Variants in PPM1L observed in about 807,000 individuals in gnomAD.
The protein encoded by PPM1L is protein phosphatase 1L.
Under a neutral mutation model 31.4 loss-of-function variants are expected in PPM1L, and 13 were observed. The observed-to-expected ratio is 0.41, with a 90% CI of 0.27 to 0.66. The LOEUF (loss-of-function observed/expected upper bound fraction) is 0.66. PPM1L is among the 30% of genes least tolerant of loss of function. PPM1L has a pLI of 0.29. For synonymous variants in PPM1L, 184 were observed against 175.4 expected (o/e 1.05, Z -0.39); for missense variants, 326 against 453.7 (o/e 0.72, Z 2.56).
chr3:160,849,800 G>A (rs942199504), intron 1 of PPM1L, among the ~76,000 whole-genome samples: 1 of 152,070 alleles, frequency 6.6e-6, no homozygotes, highest in African/African-American at 2.4e-5. Flanking sequence ...TCCTGACCTC[G>A]TGATCCGCCT....
chr3:160,899,223 C>G (rs1014833168), intron 1 of PPM1L, among the ~76,000 whole-genome samples: 2 of 152,082 alleles, frequency 1.3e-5, no homozygotes, highest in African/African-American at 4.8e-5. Flanking sequence ...TCTTCCAAAC[C>G]TATGCTCTTA....
At chr3:160,857,181 A>G (rs1222106356) in intron 1 of PPM1L, among the ~76,000 whole-genome samples, 1 of 152,100 alleles carries the variant, frequency 6.6e-6, no homozygotes, top group African/African-American at 2.4e-5. Context: ...TTGCTTCCAA[A>G]AGGTCATGGT....
At chr3:161,031,055 C>G (rs937156678) in intron 2 of PPM1L, among the ~76,000 whole-genome samples, 1 of 152,180 alleles carries the variant, frequency 6.6e-6, no homozygotes. Flanking sequence ...TATTACTTTC[C>G]TTTATAAGCT....
At chr3:160,793,634 A>G (rs1712163368) in intron 1 of PPM1L, among the ~76,000 whole-genome samples, 1 of 152,204 alleles carries the variant, frequency 6.6e-6, no homozygotes, top group African/African-American at 2.4e-5. Context: ...TAATTCTTCC[A>G]TGGCTTGACT....
intron 1 of PPM1L, among the ~76,000 whole-genome samples, chr3:160,914,044 C>T (rs1169231680): frequency 6.6e-6 from 1 of 152,082 alleles, no homozygotes; most frequent in Admixed American, 6.5e-5. Context: ...TTTTCTTATT[C>T]CTACCAGTAG....
At chr3:161,009,959 A>G (rs1576780569) in intron 2 of PPM1L, among the ~76,000 whole-genome samples, 1 of 152,162 alleles carries the variant, frequency 6.6e-6, no homozygotes, top group Non-Finnish European at 1.5e-5. Flanking sequence ...TAGTTGTTTC[A>G]ACTCCAAATT....
chr3:160,902,288 C>A (rs934990118), intron 1 of PPM1L, among the ~76,000 whole-genome samples: 6 of 152,096 alleles, frequency 3.9e-5, no homozygotes, highest in African/African-American at 1.4e-4. Flanking sequence ...GAATATATAG[C>A]AGAAACATAG....
At chr3:160,836,440 A>C (rs766581544) in intron 1 of PPM1L, among the ~76,000 whole-genome samples, 16 of 152,178 alleles carry the variant, frequency 1.1e-4, no homozygotes, top group Non-Finnish European at 2.2e-4. Flanking sequence ...CTCTAGCAAG[A>C]AGGCTCTTGT....
intron 2 of PPM1L, among the ~76,000 whole-genome samples, chr3:161,011,073 AGACG>A (rs1396867848): frequency 6.6e-6 from 1 of 152,148 alleles, no homozygotes; most frequent in Non-Finnish European, 1.5e-5. Flanking sequence ...TTGGTGTTTC[AGACG>A]TGAAGTCCTT....
chr3:160,884,956 C>T (rs1712856897), intron 1 of PPM1L, among the ~76,000 whole-genome samples: 1 of 152,180 alleles, frequency 6.6e-6, no homozygotes, highest in Non-Finnish European at 1.5e-5. Context: ...ACTGACACCT[C>T]CTCAAAAGAT....
intron 1 of PPM1L, among the ~76,000 whole-genome samples, chr3:160,773,820 T>C (rs906847799): frequency 2.6e-5 from 4 of 152,164 alleles, no homozygotes; most frequent in African/African-American, 9.7e-5. Context: ...TGTTGGATCT[T>C]ACTTTCTTGA....
intron 1 of PPM1L, among the ~76,000 whole-genome samples, chr3:160,884,169 C>T (rs867511900): frequency 1.3e-5 from 2 of 152,062 alleles, no homozygotes; most frequent in South Asian, 2.1e-4. Flanking sequence ...AGAAGACCTA[C>T]GGTTATGTAA....
At chr3:161,006,109 A>G (rs1717695960) in intron 2 of PPM1L, among the ~76,000 whole-genome samples, 2 of 152,212 alleles carry the variant, frequency 1.3e-5, no homozygotes, top group Non-Finnish European at 2.9e-5. Context: ...AAACAGCCCA[A>G]ATGTCCATCA....
At chr3:160,969,657 T>TTCAA (rs1187731715) in intron 2 of PPM1L, among the ~76,000 whole-genome samples, 2 of 152,200 alleles carry the variant, frequency 1.3e-5, no homozygotes, top group African/African-American at 4.8e-5. Context: ...ACTTTATATC[T>TTCAA]TCAATCAGGA....
In PPM1L at chr3:161,052,343, T is replaced by TG. The variant is rs537108819; in HGVS notation, c.575-13058dup. Among the ~76,000 whole-genome samples, 58 of 152,344 alleles carry TG rather than the reference T, an allele frequency of 3.8e-4. 1 individual carries two copies. In the South Asian group the frequency reaches 0.01, roughly 27 times the overall value. ...TTCCTCTACTCACACCCCTGCTGTC[T>TG]GGCCAGCCTTACTTATCAGGGAGAG... On this transcript the variant is annotated intron_variant, in intron 2 of 3. Transcript: ENST00000498165.
rs949589785 is a variant in PPM1L, at chr3:161,063,544, G to T, written c.575-1859G>T. Among the ~76,000 whole-genome samples, 6 of 152,130 alleles carry T rather than the reference G, an allele frequency of 3.9e-5. No homozygotes were observed. The East Asian group carries it at 1.2e-3, about 29-fold the overall frequency. ...TTCTTTATGTCTATTTAAGAATTCA[G>T]TGTTGTTGTTTTTTTTTCTGTTGGT... is the stretch of plus-strand genomic sequence containing the variant. On this transcript the variant is annotated intron_variant, in intron 2 of 3. Transcript: ENST00000498165.
intron 2 of PPM1L, among the ~76,000 whole-genome samples, chr3:160,980,348 T>C (rs1228902377): frequency 6.6e-6 from 1 of 152,020 alleles, no homozygotes; most frequent in Non-Finnish European, 1.5e-5. Flanking sequence ...GATAATTCTT[T>C]GTGATATTAT....
At chr3:161,061,163 T>C (rs548370188) in intron 2 of PPM1L, among the ~76,000 whole-genome samples, 29 of 151,298 alleles carry the variant, frequency 1.9e-4, no homozygotes, top group Non-Finnish European at 3.1e-4. Flanking sequence ...TTCAGATCAT[T>C]CTTAAGCCTC....
intron 1 of PPM1L, among the ~76,000 whole-genome samples, chr3:160,879,362 G>A (rs780858597): frequency 3.9e-5 from 6 of 152,082 alleles, no homozygotes; most frequent in South Asian, 2.1e-4. Context: ...TAGGATTAAG[G>A]TCTTTTTACC....
Sources: gnomAD v4.1 joint callset for allele counts (sites outside exome capture counted in the v4.1 genomes callset) on GRCh38, gnomAD v4.1.1 for gene constraint, MANE v1.5 for transcripts, NCBI Gene and HGNC (gene_info 2026-07-23, HGNC 2026-07-21) for gene names.